The following KDM5B variants were observed in gnomAD, a reference collection of about 807,000 sequenced individuals.
The protein encoded by KDM5B is lysine-specific demethylase 5B.
Under a neutral mutation model 193.4 loss-of-function variants are expected in KDM5B, and 144 were observed. The ratio of observed to expected loss-of-function variants is 0.74; its 90% confidence interval spans 0.65 to 0.86. KDM5B has a LOEUF of 0.86. Ranked by LOEUF, KDM5B falls within the 40% of genes least tolerant of loss-of-function variation. The probability of loss-of-function intolerance (pLI) is 0.00; values close to 1 mark genes in which losing one functional copy is unlikely to be tolerated. For missense variants in KDM5B, 1,833 were observed against 1,886.9 expected (o/e 0.97, Z 0.53); for synonymous variants, 668 against 682.6 (o/e 0.98, Z 0.33).
At chr1:202,766,861 T>G in intron 5 of KDM5B, 65 bp downstream of exon 5, 1 of 1,488,668 alleles carries the variant, frequency 6.7e-7, no homozygotes, top group Non-Finnish European at 9.0e-7. Context: ...AGAAATCCAG[T>G]GCCAGACAGC....
At chr1:202,793,760 C>CA (rs1231190094) in intron 1 of KDM5B, among the ~76,000 whole-genome samples, 3 of 151,862 alleles carry the variant, frequency 2.0e-5, no homozygotes, top group African/African-American at 4.8e-5. Flanking sequence ...TTGTTCTTGT[C>CA]AAAAAAATCT....
chr1:202,733,930 G>A, intron 22 of KDM5B, 44 bp from the exon 23 acceptor site: 1 of 1,558,298 alleles, frequency 6.4e-7, no homozygotes, highest in Non-Finnish European at 8.7e-7. Flanking sequence ...GAGATGGCTT[G>A]GCCTTCCCCT....
At chr1:202,785,026 AG>A (rs1364702637) in intron 1 of KDM5B, among the ~76,000 whole-genome samples, 10 of 151,940 alleles carry the variant, frequency 6.6e-5, no homozygotes, top group Non-Finnish European at 1.0e-4. Context: ...AAAAAAAAAA[AG>A]TACAGACTAC....
chr1:202,762,744 A>G lies in KDM5B; in HGVS notation c.873T>C (p.Asn291=). 4 of 1,611,804 alleles carry G rather than the reference A, an allele frequency of 2.5e-6. No individual in the cohort carries two copies. Among genetic ancestry groups the G allele is most frequent in the Non-Finnish European group, 2.5e-6 (3 of 1,177,990 alleles). ...ATCGACTCTTGGGCTTTTCCTTCTC[A>G]TTTTCTACAATATAATCTTTCCTCT... ...PIERKDYIVE[N]EKEKPKSRSK... is the part of the protein sequence containing the mutation. The change falls in exon 7 of 27, where the codon AAT becomes AAC. Residue 291 remains asparagine, a synonymous_variant. Coordinates refer to ENST00000367265, the MANE Select transcript of KDM5B (RefSeq NM_006618.5).
chr1:202,766,552 T>TA (rs2102282740), intron 5 of KDM5B: 1 of 426,164 alleles, frequency 2.3e-6, no homozygotes, highest in African/African-American at 2.1e-5. Flanking sequence ...AACTGTCTTC[T>TA]AACCACTCTG....
At chr1:202,738,989 T>C (rs145739994) in intron 20 of KDM5B, among the ~76,000 whole-genome samples, 184 of 152,306 alleles carry the variant, frequency 1.2e-3, no homozygotes, top group African/African-American at 4.3e-3. Context: ...GGGTAGGTTT[T>C]ATTTCTTTTG....
chr1:202,733,259 G>C, intron 23 of KDM5B, 142 bp downstream of exon 23: 1 of 821,942 alleles, frequency 1.2e-6, no homozygotes, highest in South Asian at 1.8e-5. Flanking sequence ...TGGTCTTGAA[G>C]TGGGAAGCTA....
At chr1:202,789,742 G>A (rs2102328085) in intron 1 of KDM5B, among the ~76,000 whole-genome samples, 1 of 151,492 alleles carries the variant, frequency 6.6e-6, no homozygotes, top group East Asian at 2.0e-4. Context: ...CTACCTGGGA[G>A]GCTTAAGACA....
Position 202,777,102 on chromosome 1 carries a change from AAAGCAAAGGCTCTTATTAGAATAACTTAT to A in KDM5B, c.205-37_205-9del. On this transcript the variant is annotated splice_polypyrimidine_tract_variant and intron_variant, in intron 1 of 26. Coordinates refer to ENST00000367265, the MANE Select transcript of KDM5B (RefSeq NM_006618.5). ...AAATGGTGGCTGCCAATCCTAGGAG[AAAGCAAAGGCTCTTATTAGAATAACTTAT>A]AAGCATTTGACATTCAAAAATTTGT... is the stretch of plus-strand genomic sequence containing the variant. The A allele has an allele frequency of 6.2e-7, 1 of 1,606,304 alleles. No homozygotes were observed. Among genetic ancestry groups the A allele is most frequent in the Non-Finnish European group, 8.5e-7 (1 of 1,173,166 alleles).
chr1:202,739,963 C>G (rs967998647), intron 20 of KDM5B, among the ~76,000 whole-genome samples: 41 of 152,256 alleles, frequency 2.7e-4, no homozygotes, highest in Non-Finnish European at 4.4e-4. Context: ...CATTGTCATC[C>G]CGGCCCGTTC....
At position 202,758,787 on chromosome 1, in the gene KDM5B, C is replaced by T. The variant is rs115072708; in HGVS notation, c.1078-277G>A. 2.1e-5 allele frequency: 5 copies of T among 240,330 alleles called. 1 individual carries two copies. The highest frequency in any genetic ancestry group is 1.0e-4 in the Admixed American group (2 of 19,106). The allele number at this position is 240,330 out of a possible 1,614,324, so 14.9% of individuals were successfully genotyped here. On this transcript the variant is annotated intron_variant, in intron 8 of 26. Coordinates refer to ENST00000367265, the MANE Select transcript of KDM5B (RefSeq NM_006618.5). Reference sequence around the variant, plus strand: ...ATTTATAAGAGGCAGGCTAAAGACTCGACTTCCTTCAAAATCAAATAATGT... The same window carrying T: ...ATTTATAAGAGGCAGGCTAAAGACTTGACTTCCTTCAAAATCAAATAATGT...
intron 1 of KDM5B, among the ~76,000 whole-genome samples, chr1:202,807,521 G>C (rs1658350595): frequency 6.6e-6 from 1 of 151,958 alleles, no homozygotes; most frequent in Non-Finnish European, 1.5e-5. Context: ...GGGGTGCCCT[G>C]GTCTGGAGGG....
chr1:202,793,103 C>T (rs1342261776), intron 1 of KDM5B, among the ~76,000 whole-genome samples: 1 of 151,976 alleles, frequency 6.6e-6, no homozygotes, highest in African/African-American at 2.4e-5. Flanking sequence ...TAGAAGAACA[C>T]TGAACTTGGG....
intron 5 of KDM5B, among the ~76,000 whole-genome samples, chr1:202,765,504 T>C (rs1296895176): frequency 1.3e-5 from 2 of 152,240 alleles, no homozygotes; most frequent in African/African-American, 2.4e-5. Flanking sequence ...AAGGCAGATG[T>C]AGGCATCCAC....
At position 202,777,305 on chromosome 1, in the gene KDM5B, C is replaced by T. The variant is rs144068264; in HGVS notation, c.205-211G>A. Among the ~76,000 whole-genome samples, 296 of 147,598 alleles carry T rather than the reference C, an allele frequency of 2.0e-3. 1 individual carries two copies. The highest frequency in any genetic ancestry group is 7.0e-3 in the African/African-American group (280 of 40,068). Reference sequence around the variant, plus strand: ...CCAAATAAATGATATATCACATATACACCTCTCCCCACAAACCTTCCCACT... The same window carrying T: ...CCAAATAAATGATATATCACATATATACCTCTCCCCACAAACCTTCCCACT... On this transcript the variant is annotated intron_variant, in intron 1 of 26. Coordinates refer to ENST00000367265, the MANE Select transcript of KDM5B (RefSeq NM_006618.5).
intron 1 of KDM5B, among the ~76,000 whole-genome samples, chr1:202,780,844 A>G (rs1657167763): frequency 1.3e-5 from 2 of 151,726 alleles, no homozygotes; most frequent in Admixed American, 6.6e-5. Context: ...TTTTGCCATT[A>G]CCTACATATA....
At chr1:202,768,561 TA>T (rs1358662418) in intron 4 of KDM5B, among the ~76,000 whole-genome samples, 4 of 152,170 alleles carry the variant, frequency 2.6e-5, no homozygotes, top group Non-Finnish European at 5.9e-5. Context: ...AATTTATTTC[TA>T]ATAGTTAAGA....
rs1260940963 is a variant in KDM5B at position 202,742,514 on chromosome 1, A to G, written c.2475-9T>C. 1 of 1,612,676 alleles carries G rather than the reference A, an allele frequency of 6.2e-7. No individual in the cohort carries two copies. Among genetic ancestry groups the G allele is most frequent in the Non-Finnish European group, 8.5e-7 (1 of 1,178,884 alleles). ...CTCCACCAGATCGATATCTGTAAAG[A>G]CAAAGGCCCAAGGAAGCCATATAAG... On this transcript the variant is annotated splice_polypyrimidine_tract_variant and intron_variant, in intron 17 of 26. Transcript: ENST00000367265.
At chr1:202,741,304 T>C in intron 19 of KDM5B, 63 bp downstream of exon 19, 1 of 1,197,210 alleles carries the variant, frequency 8.4e-7, no homozygotes, top group Non-Finnish European at 1.2e-6. Flanking sequence ...ATCATTGTGC[T>C]CTGTGTTTAA....
Sources: gnomAD v4.1 joint callset for allele counts (sites outside exome capture counted in the v4.1 genomes callset) on GRCh38, gnomAD v4.1.1 for gene constraint, MANE v1.5 for transcripts, NCBI Gene and HGNC (gene_info 2026-07-23, HGNC 2026-07-21) for gene names.